NELL1: variants seen among roughly 807,000 people sequenced by gnomAD.
NELL1 encodes the protein neural EGFL like 1.
Under a neutral mutation model 107.4 loss-of-function variants are expected in NELL1, and 76 were observed. That is an observed-to-expected ratio of 0.71 (90% confidence interval 0.59 to 0.86). The LOEUF (loss-of-function observed/expected upper bound fraction) is 0.86, where lower values mean the gene tolerates loss of function less well. NELL1 is among the 40% of genes least tolerant of loss of function. The probability of loss-of-function intolerance (pLI) is 0.00; values close to 1 mark genes in which losing one functional copy is unlikely to be tolerated. For missense variants in NELL1, 1,024 were observed against 1,005.5 expected (o/e 1.02, Z -0.25); for synonymous variants, 353 against 341.2 (o/e 1.03, Z -0.38).
At chr11:21,554,291 C>T (rs554704662) in intron 16 of NELL1, among the ~76,000 whole-genome samples, 1 of 151,884 alleles carries the variant, frequency 6.6e-6, no homozygotes, top group East Asian at 1.9e-4. Context: ...AATTAGTGAC[C>T]AAAGCAAGTT....
intron 3 of NELL1, among the ~76,000 whole-genome samples, chr11:20,813,534 C>T (rs768939625): frequency 5.9e-5 from 9 of 152,138 alleles, no homozygotes; most frequent in Non-Finnish European, 1.0e-4. Flanking sequence ...TCTGGGTACT[C>T]AGCTCTCAGC....
At position 21,071,043 on chromosome 11, in the gene NELL1, G is replaced by A. The variant is rs566502906; in HGVS notation, c.1301-42546G>A. On this transcript the variant is annotated intron_variant, in intron 12 of 19. Coordinates refer to ENST00000357134, the MANE Select transcript of NELL1 (RefSeq NM_006157.5). ...CTCCTACTTCATATAGTCCAGGTTT[G>A]CCTCAGAATCTCAGAACATCACCAT... 1.6e-3 allele frequency among the ~76,000 whole-genome samples: 247 copies of A among 152,216 alleles called. 1 individual carries two copies. The highest frequency in any genetic ancestry group is 5.8e-3 in the African/African-American group (240 of 41,528).
chr11:21,068,118 C>T (rs1479579400), intron 12 of NELL1, among the ~76,000 whole-genome samples: 1 of 140,966 alleles, frequency 7.1e-6, no homozygotes, highest in African/African-American at 2.6e-5. Flanking sequence ...ACATTTTTCT[C>T]ATAGATGGAG....
At chr11:21,188,532 A>G (rs1856982191) in intron 13 of NELL1, among the ~76,000 whole-genome samples, 1 of 151,818 alleles carries the variant, frequency 6.6e-6, no homozygotes. Flanking sequence ...CTTGAAATTT[A>G]CAACCCTTAA....
At chr11:20,907,987 C>G (rs1242194829) in intron 5 of NELL1, among the ~76,000 whole-genome samples, 1 of 152,020 alleles carries the variant, frequency 6.6e-6, no homozygotes, top group Non-Finnish European at 1.5e-5. Context: ...AAATGCAAAT[C>G]AAAATGATAA....
intron 2 of NELL1, among the ~76,000 whole-genome samples, chr11:20,753,259 A>T (rs1317877572): frequency 1.3e-5 from 2 of 152,218 alleles, no homozygotes; most frequent in African/African-American, 4.8e-5. Flanking sequence ...ATCTGTCCTT[A>T]TTATTTTTAA....
At chr11:20,998,157 G>A (rs1285750071) in intron 12 of NELL1, among the ~76,000 whole-genome samples, 2 of 152,016 alleles carry the variant, frequency 1.3e-5, no homozygotes, top group Non-Finnish European at 2.9e-5. Flanking sequence ...AGAATATTAA[G>A]AAGTGAAAAA....
Position 20,669,926 on chromosome 11 carries a change from C to T in NELL1, c.55+148C>T. ...GTTCCTGGGATCTCTTTGCCCTGCT[C>T]GGAGTGACAGGGTGAAAATAGGGAC... On this transcript the variant is annotated intron_variant, in intron 1 of 19. Coordinates refer to ENST00000357134, the MANE Select transcript of NELL1 (RefSeq NM_006157.5). This position sits in a 1 kb window ranked among gnomAD's most constrained non-coding sequence, Gnocchi z 4.4. 4.4e-6 allele frequency: 3 copies of T among 682,442 alleles called. No individual in the cohort carries two copies. The highest frequency in any genetic ancestry group is 3.4e-5 in the South Asian group (2 of 58,630). 42.3% of individuals were successfully genotyped at this position (682,442 alleles called of 1,614,324 possible).
At chr11:20,907,490 T>A (rs1034975251) in intron 5 of NELL1, among the ~76,000 whole-genome samples, 4 of 152,008 alleles carry the variant, frequency 2.6e-5, no homozygotes, top group African/African-American at 9.7e-5. Context: ...CTTTAGTCAT[T>A]AGGAAAATTC....
intron 3 of NELL1, among the ~76,000 whole-genome samples, chr11:20,795,355 G>A (rs1053902900): frequency 2.2e-4 from 34 of 152,186 alleles, no homozygotes; most frequent in Non-Finnish European, 1.0e-4. Flanking sequence ...TTATGTAATG[G>A]AATGGGTACT....
intron 12 of NELL1, among the ~76,000 whole-genome samples, chr11:21,024,079 A>C (rs1852760091): frequency 6.6e-6 from 1 of 152,096 alleles, no homozygotes; most frequent in Non-Finnish European, 1.5e-5. Flanking sequence ...AAAAGTAATA[A>C]CAATTCCTAT....
chr11:21,319,427 T>A (rs1030837752), intron 14 of NELL1, among the ~76,000 whole-genome samples: 3 of 150,356 alleles, frequency 2.0e-5, no homozygotes, highest in Non-Finnish European at 4.4e-5. Context: ...TGGCCTCAAA[T>A]GATCCACCTG....
At position 20,810,853 on chromosome 11, in the gene NELL1, G is replaced by T. The variant is rs894222123; in HGVS notation, c.335+27023G>T. ...CCACCAGCACTGTAGAAGTAACTGG[G>T]TTTTTTTTTTAAATGAGTTTTTGTA... On this transcript the variant is annotated intron_variant, in intron 3 of 19. Transcript: ENST00000357134. Among the ~76,000 whole-genome samples, 26 of 148,178 alleles carry T rather than the reference G, an allele frequency of 1.8e-4. 1 individual carries two copies. The South Asian group carries it at 3.7e-3, about 21-fold the overall frequency.
At chr11:20,694,993 G>T (rs1182341380) in intron 2 of NELL1, among the ~76,000 whole-genome samples, 5 of 151,976 alleles carry the variant, frequency 3.3e-5, no homozygotes, top group Admixed American at 6.6e-5. Flanking sequence ...AGTTCTCCTT[G>T]TAGAGAGCTT....
chr11:20,787,191 T>C (rs1455291940), intron 3 of NELL1, among the ~76,000 whole-genome samples: 1 of 151,492 alleles, frequency 6.6e-6, no homozygotes, highest in African/African-American at 2.4e-5. Flanking sequence ...CCCTGTTCCA[T>C]GTGTGTGTAG....
intron 12 of NELL1, among the ~76,000 whole-genome samples, chr11:21,012,030 T>C (rs1224081266): frequency 2.0e-5 from 3 of 152,148 alleles, no homozygotes; most frequent in Non-Finnish European, 2.9e-5. Context: ...CTGGGCACCA[T>C]GCTGAGAGCA....
At chr11:20,756,776 G>A (rs1013678490) in intron 2 of NELL1, among the ~76,000 whole-genome samples, 2 of 152,040 alleles carry the variant, frequency 1.3e-5, no homozygotes, top group Admixed American at 1.3e-4. Context: ...AATATTTCCA[G>A]ATACTGCCAC....
chr11:21,446,384 C>T (rs1040574912), intron 15 of NELL1, among the ~76,000 whole-genome samples: 3 of 151,244 alleles, frequency 2.0e-5, no homozygotes, highest in African/African-American at 7.4e-5. Flanking sequence ...TTTTCCTGGA[C>T]CATTTTATGC....
At chr11:21,460,104 G>A in intron 15 of NELL1, among the ~76,000 whole-genome samples, 1 of 152,042 alleles carries the variant, frequency 6.6e-6, no homozygotes, top group Admixed American at 6.6e-5. Flanking sequence ...TGGGATAGGG[G>A]TTGTTTACTT....
Sources: allele counts gnomAD v4.1 joint callset (sites outside exome capture counted in the v4.1 genomes callset), GRCh38; gene constraint gnomAD v4.1.1; non-coding constraint Gnocchi (gnomAD v3.1); transcripts MANE v1.5; gene names NCBI Gene and HGNC (gene_info 2026-07-23, HGNC 2026-07-21).